AGMO: variants seen among roughly 807,000 people sequenced by gnomAD.
AGMO encodes glyceryl-ether monooxygenase.
Under a neutral mutation model 60.2 loss-of-function variants are expected in AGMO, and 75 were observed. The ratio of observed to expected loss-of-function variants is 1.25; its 90% CI spans 1.03 to 1.51. AGMO has a LOEUF of 1.51. Ranked by LOEUF, AGMO falls within the 40% of genes most tolerant of loss-of-function variation. The pLI is 0.00. For synonymous variants in AGMO, 261 were observed against 177.1 expected (o/e 1.47, Z -3.76); for missense variants, 763 against 525.5 (o/e 1.45, Z -4.42).
chr7:15,516,464 T>C (rs1783808602), intron 3 of AGMO, among the ~76,000 whole-genome samples: 1 of 152,202 alleles, frequency 6.6e-6, no homozygotes. Flanking sequence ...GTTTTACATA[T>C]ATAAGGTTTT....
the AGMO span, among the ~76,000 whole-genome samples, chr7:15,192,944 CAT>C: frequency 1.3e-5 from 2 of 152,146 alleles, no homozygotes; most frequent in Admixed American, 6.5e-5. Context: ...TTAAAAATGA[CAT>C]AAACAGAATA....
At chr7:15,418,884 G>C (rs1005693864) in intron 4 of AGMO, among the ~76,000 whole-genome samples, 15 of 151,794 alleles carry the variant, frequency 9.9e-5, no homozygotes, top group Admixed American at 3.3e-4. Flanking sequence ...ATATTGTCTA[G>C]TTAAAATATT....
intron 3 of AGMO, among the ~76,000 whole-genome samples, chr7:15,508,702 C>T (rs1054567752): frequency 6.6e-6 from 1 of 151,836 alleles, no homozygotes; most frequent in Non-Finnish European, 1.5e-5. Context: ...ACTTCTCATC[C>T]CTCACCTGTA....
At chr7:15,514,756 T>A in intron 3 of AGMO, among the ~76,000 whole-genome samples, 1 of 152,222 alleles carries the variant, frequency 6.6e-6, no homozygotes, top group East Asian at 1.9e-4. Context: ...TGAATTAAGC[T>A]TTTTATTCAG....
chr7:15,373,136 A>G (rs755513777), intron 10 of AGMO, among the ~76,000 whole-genome samples: 2 of 152,038 alleles, frequency 1.3e-5, no homozygotes, highest in Non-Finnish European at 2.9e-5. Context: ...TTATCTGGGC[A>G]TGGTGGCGGT....
intron 3 of AGMO, among the ~76,000 whole-genome samples, chr7:15,475,752 C>T (rs1420494910): frequency 1.3e-5 from 2 of 151,688 alleles, no homozygotes; most frequent in East Asian, 3.9e-4. Flanking sequence ...GCTTTTTCAA[C>T]TTATTTAGAT....
chr7:15,528,092 T>A (rs1784172067), intron 3 of AGMO, among the ~76,000 whole-genome samples: 1 of 152,170 alleles, frequency 6.6e-6, no homozygotes, highest in Non-Finnish European at 1.5e-5. Context: ...CTTTCCAGCC[T>A]TACTATTTAA....
At chr7:15,386,434 A>C (rs1783917317) in intron 9 of AGMO, among the ~76,000 whole-genome samples, 1 of 152,162 alleles carries the variant, frequency 6.6e-6, no homozygotes, top group Admixed American at 6.5e-5. Flanking sequence ...CTATTGACAA[A>C]ATGAAAAATA....
the AGMO span, among the ~76,000 whole-genome samples, chr7:15,188,772 T>C: frequency 0.87 from 131,453 of 151,748 alleles, 57,154 homozygotes; most frequent in East Asian, 1. Flanking sequence ...AAAGACAGTG[T>C]GGTTAGTGTC....
At chr7:15,544,162 C>G (rs1420954599) in intron 3 of AGMO, among the ~76,000 whole-genome samples, 3 of 148,470 alleles carry the variant, frequency 2.0e-5, no homozygotes, top group Non-Finnish European at 4.4e-5. Context: ...TATGTGGGAG[C>G]TAAGCTAAGA....
chr7:15,456,616 C>T (rs567557501), intron 3 of AGMO, among the ~76,000 whole-genome samples: 2 of 152,138 alleles, frequency 1.3e-5, no homozygotes, highest in Non-Finnish European at 2.9e-5. Context: ...GGAAATAGTT[C>T]GCTCAGCTGT....
At chr7:15,550,488 A>G (rs1318088130) in intron 2 of AGMO, among the ~76,000 whole-genome samples, 6 of 152,210 alleles carry the variant, frequency 3.9e-5, no homozygotes, top group Non-Finnish European at 7.3e-5. Flanking sequence ...AGGGGATATC[A>G]CCACCCATCC....
intron 3 of AGMO, among the ~76,000 whole-genome samples, chr7:15,521,797 A>T (rs2128535999): frequency 6.6e-6 from 1 of 152,320 alleles, no homozygotes; most frequent in Admixed American, 6.5e-5. Context: ...CAAGACAAAG[A>T]TGCCCTCTCT....
chr7:15,454,458 C>A (rs575864540), intron 3 of AGMO, among the ~76,000 whole-genome samples: 7 of 151,988 alleles, frequency 4.6e-5, no homozygotes, highest in East Asian at 1.9e-4. Flanking sequence ...GTAATCAGTT[C>A]ACTATGTATA....
intron 10 of AGMO, among the ~76,000 whole-genome samples, chr7:15,376,738 C>A (rs1181320424): frequency 6.6e-6 from 1 of 151,988 alleles, no homozygotes; most frequent in Non-Finnish European, 1.5e-5. Context: ...TTATTTCCAA[C>A]ATGTACTCAT....
chr7:15,238,068 T>C lies in AGMO; in HGVS notation c.1264-36709A>G, dbSNP rs113575242. ...CCCTTAATGACCTACAGTGCATTTCTATTAATTTTCCCCAGCATTTAAACC... is the reference window on the plus strand; with the variant it reads ...CCCTTAATGACCTACAGTGCATTTCCATTAATTTTCCCCAGCATTTAAACC... On this transcript the variant is annotated intron_variant, in intron 12 of 12. Transcript: ENST00000342526. Among the ~76,000 whole-genome samples the C allele has an allele frequency of 3.5e-3, 540 of 152,174 alleles. 1 individual carries two copies. The highest frequency in any genetic ancestry group is 0.011 in the African/African-American group (447 of 41,542).
At chr7:15,280,969 C>T (rs1017593614) in intron 12 of AGMO, among the ~76,000 whole-genome samples, 8 of 152,162 alleles carry the variant, frequency 5.3e-5, no homozygotes, top group Non-Finnish European at 7.3e-5. Flanking sequence ...TGTAGACATT[C>T]CCCAGCACCA....
chr7:15,408,059 T>G (rs141703532), intron 5 of AGMO, among the ~76,000 whole-genome samples: 3 of 151,964 alleles, frequency 2.0e-5, no homozygotes, highest in Non-Finnish European at 4.4e-5. Context: ...AAGTGGTAAT[T>G]GGGTTGCGTC....
chr7:15,314,207 C>T (rs1013602351), intron 12 of AGMO, among the ~76,000 whole-genome samples: 4 of 151,982 alleles, frequency 2.6e-5, no homozygotes, highest in East Asian at 1.9e-4. Context: ...GAGATTTCAT[C>T]AGGCTACTCA....
Sources: allele counts gnomAD v4.1 joint callset (sites outside exome capture counted in the v4.1 genomes callset), GRCh38; gene constraint gnomAD v4.1.1; transcripts MANE v1.5; gene names NCBI Gene and HGNC (gene_info 2026-07-23, HGNC 2026-07-21).